ATG10: variants seen among roughly 807,000 people sequenced by gnomAD.
ATG10 encodes ubiquitin-like-conjugating enzyme ATG10.
Under a neutral mutation model 32.1 loss-of-function variants are expected in ATG10, and 30 were observed. The observed-to-expected ratio is 0.94, with a 90% CI of 0.70 to 1.27. ATG10 has a LOEUF of 1.27. Among genes scored for constraint, ATG10 ranks in the 50% most tolerant of loss-of-function variants. ATG10 has a pLI of 0.00. For missense variants in ATG10, 233 were observed against 262.3 expected (o/e 0.89, Z 0.77); for synonymous variants, 87 against 91.5 (o/e 0.95, Z 0.28).
intron 3 of ATG10, among the ~76,000 whole-genome samples, chr5:82,156,515 C>T (rs914622603): frequency 1.3e-5 from 2 of 152,120 alleles, no homozygotes; most frequent in African/African-American, 4.8e-5. Flanking sequence ...TGTGCCCTGG[C>T]TCAGTTTCTT....
At chr5:82,234,207 A>T (rs543967720) in intron 5 of ATG10, among the ~76,000 whole-genome samples, 1 of 152,288 alleles carries the variant, frequency 6.6e-6, no homozygotes, top group African/African-American at 2.4e-5. Flanking sequence ...AGTTTATGTC[A>T]TACTTTTAGG....
chr5:82,039,285 C>T (rs566692014), intron 2 of ATG10, among the ~76,000 whole-genome samples: 9 of 152,290 alleles, frequency 5.9e-5, no homozygotes, highest in African/African-American at 1.7e-4. Context: ...CCATGAGTCA[C>T]TTTATTTCTG....
chr5:81,978,177 C>A (rs561376607), intron 1 of ATG10, among the ~76,000 whole-genome samples: 30 of 152,246 alleles, frequency 2.0e-4, no homozygotes, highest in African/African-American at 6.7e-4. Flanking sequence ...TCATGCAATT[C>A]TCCTGCCTCA....
intron 5 of ATG10, among the ~76,000 whole-genome samples, chr5:82,208,694 C>T (rs1398536066): frequency 6.6e-6 from 1 of 152,080 alleles, no homozygotes; most frequent in East Asian, 1.9e-4. Context: ...GAAGTTTTAT[C>T]CTATTCCTAG....
rs148851273 is a variant in ATG10, at chr5:82,009,774, G to A, written c.108+22096G>A. ...GCAGATGAAAAACTGGGAGCCATTT[G>A]TGTTGGGTCCAGCATTTGCCATGGA... On this transcript the variant is annotated intron_variant, in intron 2 of 7. Transcript: ENST00000282185. 479 of 1,606,946 alleles carry A rather than the reference G, an allele frequency of 3.0e-4. 3 individuals are homozygous for A. The East Asian group carries it at 0.01, about 35-fold the overall frequency.
chr5:82,033,729 AACACACACAC>A lies in ATG10; in HGVS notation c.109-24744_109-24735del, dbSNP rs59922803. Among the ~76,000 whole-genome samples, 150 of 146,322 alleles carry A rather than the reference AACACACACAC, an allele frequency of 1.0e-3. 1 individual carries two copies. The highest frequency in any genetic ancestry group is 1.9e-3 in the Non-Finnish European group (129 of 66,244). On this transcript the variant is annotated intron_variant, in intron 2 of 7. Transcript: ENST00000282185. ...GTTACTTGGCTGTAAATACTATACA[AACACACACAC>A]ACACACACACACACACACACATATG... is the stretch of plus-strand genomic sequence containing the variant.
At chr5:81,977,031 A>G (rs1219348934) in intron 1 of ATG10, among the ~76,000 whole-genome samples, 1 of 152,002 alleles carries the variant, frequency 6.6e-6, no homozygotes, top group Non-Finnish European at 1.5e-5. Flanking sequence ...ATGCACCACT[A>G]TGCCAGGCTA....
chr5:82,017,009 T>C (rs1249980326), intron 2 of ATG10, among the ~76,000 whole-genome samples: 1 of 152,170 alleles, frequency 6.6e-6, no homozygotes, highest in Admixed American at 6.5e-5. Flanking sequence ...TGGTCATTTT[T>C]ATAATATCAA....
chr5:81,974,501 A>G (rs1760815211), intron 1 of ATG10, among the ~76,000 whole-genome samples: 1 of 152,228 alleles, frequency 6.6e-6, no homozygotes, highest in African/African-American at 2.4e-5. Context: ...GTCATGTAAC[A>G]TCTTTCTGAG....
intron 5 of ATG10, among the ~76,000 whole-genome samples, chr5:82,200,138 C>G (rs987164107): frequency 6.6e-6 from 1 of 151,952 alleles, no homozygotes; most frequent in Non-Finnish European, 1.5e-5. Context: ...TTTCATTTCT[C>G]TTGGATAAAT....
At chr5:81,977,227 G>C (rs1040139477) in intron 1 of ATG10, among the ~76,000 whole-genome samples, 2 of 152,178 alleles carry the variant, frequency 1.3e-5, no homozygotes, top group African/African-American at 4.8e-5. Flanking sequence ...TAAATATTTA[G>C]TGAGTGAAAT....
At chr5:82,109,575 A>AT (rs965745651) in intron 3 of ATG10, among the ~76,000 whole-genome samples, 15 of 151,678 alleles carry the variant, frequency 9.9e-5, no homozygotes, top group African/African-American at 3.6e-4. Context: ...TTTTTATTTG[A>AT]TTTTTTATGA....
In ATG10 at chr5:82,098,995, C is replaced by T. The variant is rs889081480; in HGVS notation, c.216+40393C>T. Among the ~76,000 whole-genome samples the T allele has an allele frequency of 4.6e-5, 7 of 152,244 alleles. No homozygotes were observed. The East Asian group carries it at 1.4e-3, about 29-fold the overall frequency. ...AACCAGGGACTTGAACTGACATGAACCATGAACCAAAAGCTAGACAAAACT... is the reference window on the plus strand; with the variant it reads ...AACCAGGGACTTGAACTGACATGAATCATGAACCAAAAGCTAGACAAAACT... On this transcript the variant is annotated intron_variant, in intron 3 of 7. Transcript: ENST00000282185.
chr5:82,012,124 T>A (rs1298769880), intron 2 of ATG10, among the ~76,000 whole-genome samples: 1 of 152,182 alleles, frequency 6.6e-6, no homozygotes, highest in Non-Finnish European at 1.5e-5. Flanking sequence ...AGAACCACCA[T>A]ACTGACCCTC....
chr5:82,196,559 T>G (rs1463489342), intron 5 of ATG10, among the ~76,000 whole-genome samples: 1 of 152,210 alleles, frequency 6.6e-6, no homozygotes, highest in Non-Finnish European at 1.5e-5. Flanking sequence ...TATTTTTGTA[T>G]GTAGCAATGA....
intron 3 of ATG10, among the ~76,000 whole-genome samples, chr5:82,068,107 T>C (rs889021625): frequency 2.0e-5 from 3 of 152,130 alleles, no homozygotes; most frequent in African/African-American, 7.2e-5. Context: ...TTTCTTTTAA[T>C]GAATTTGGGA....
intron 3 of ATG10, chr5:82,072,968 C>T (rs1764175278): frequency 6.6e-6 from 1 of 152,100 alleles, no homozygotes; most frequent in Admixed American, 6.6e-5. Context: ...GCATCCTCCT[C>T]CTGTGCTGAT....
intron 2 of ATG10, among the ~76,000 whole-genome samples, chr5:82,015,576 T>C (rs939381488): frequency 6.6e-6 from 1 of 152,224 alleles, no homozygotes; most frequent in Non-Finnish European, 1.5e-5. Context: ...ATTCATTCAT[T>C]TGATCTTCCA....
At chr5:82,169,203 T>C (rs1382981697) in intron 4 of ATG10, among the ~76,000 whole-genome samples, 1 of 150,334 alleles carries the variant, frequency 6.7e-6, no homozygotes, top group Admixed American at 6.7e-5. Flanking sequence ...TTGGAAGATA[T>C]AAAGAAAAAG....
Sources: gnomAD v4.1 joint callset for allele counts (sites outside exome capture counted in the v4.1 genomes callset) on GRCh38, gnomAD v4.1.1 for gene constraint, MANE v1.5 for transcripts, NCBI Gene and HGNC (gene_info 2026-07-23, HGNC 2026-07-21) for gene names.